The following GALNT6 variants were observed in gnomAD, a reference collection of about 807,000 sequenced individuals.
The protein encoded by GALNT6 is polypeptide N-acetylgalactosaminyltransferase 6.
In GALNT6, 51 loss-of-function variants were observed where a neutral mutation model predicts 65.9. The observed-to-expected ratio is 0.77, with a 90% CI of 0.62 to 0.98. GALNT6 has a LOEUF of 0.98. Among genes scored for constraint, GALNT6 ranks in the 50% least tolerant of loss-of-function variants. GALNT6 has a pLI of 0.00. For synonymous variants in GALNT6, 323 were observed against 315.1 expected (o/e 1.02, Z -0.26); for missense variants, 708 against 803.3 (o/e 0.88, Z 1.43).
chr12:51,356,140 T>C (rs1197000878), intron 10 of GALNT6, among the ~76,000 whole-genome samples, 182 bp from the exon 11 acceptor site: 1 of 151,684 alleles, frequency 6.6e-6, no homozygotes, highest in Admixed American at 6.6e-5. Flanking sequence ...TATGCTGGAA[T>C]TTTATATACA....
At chr12:51,371,258 AT>A (rs1472350488) in intron 4 of GALNT6, among the ~76,000 whole-genome samples, 3 of 151,804 alleles carry the variant, frequency 2.0e-5, no homozygotes, top group Middle Eastern at 3.4e-3. Context: ...TAATTTTTGT[AT>A]TTTTAGTAGA....
chr12:51,366,371 G>A (rs72644881), intron 4 of GALNT6, among the ~76,000 whole-genome samples: 8,091 of 152,246 alleles, frequency 0.053, 358 homozygotes, highest in East Asian at 0.17. Flanking sequence ...TCACGGTAAC[G>A]TCGATGGGTG....
At chr12:51,377,421 G>C in intron 3 of GALNT6, 54 bp from the exon 4 acceptor site, 2 of 1,527,060 alleles carry the variant, frequency 1.3e-6, no homozygotes, top group South Asian at 2.3e-5. Flanking sequence ...AGTACCAGGT[G>C]TGGGGAGGGC....
Position 51,390,162 on chromosome 12 carries a change from T to TTC in GALNT6, c.-104+687_-104+688insGA, listed in dbSNP as rs1948000478. ...TTTCTTTCTTTCTTTCTTTCTTTTT[T>TTC]TTTTTTTTTTTTTTTTTGAGACAGA... is the stretch of plus-strand genomic sequence containing the variant. On this transcript the variant is annotated intron_variant, in intron 2 of 11. Coordinates refer to ENST00000356317, the MANE Select transcript of GALNT6 (RefSeq NM_007210.4). Among the ~76,000 whole-genome samples, 3 of 113,436 alleles carry TTC rather than the reference T, an allele frequency of 2.6e-5. No homozygotes were observed. In the East Asian group the frequency reaches 6.1e-4, roughly 23 times the overall value. 74.4% of individuals were successfully genotyped at this position (113,436 alleles called of 152,430 possible).
At chr12:51,385,730 A>G (rs1483743482) in intron 2 of GALNT6, among the ~76,000 whole-genome samples, 5 of 149,730 alleles carry the variant, frequency 3.3e-5, no homozygotes, top group Non-Finnish European at 5.9e-5. Context: ...ATCACAGCCC[A>G]CCCTGTGTTT....
intron 2 of GALNT6, among the ~76,000 whole-genome samples, chr12:51,388,745 A>G (rs1947919394): frequency 6.6e-6 from 1 of 152,118 alleles, no homozygotes; most frequent in African/African-American, 2.4e-5. Flanking sequence ...TTCTGTCTCC[A>G]GAATGTTCTT....
intron 4 of GALNT6, among the ~76,000 whole-genome samples, chr12:51,373,449 T>C (rs1947353382): frequency 6.6e-6 from 1 of 152,132 alleles, no homozygotes; most frequent in Admixed American, 6.6e-5. Flanking sequence ...TCCTGACACC[T>C]CATGAGGAAG....
At chr12:51,382,025 C>T (rs1314097114) in intron 2 of GALNT6, among the ~76,000 whole-genome samples, 1 of 152,226 alleles carries the variant, frequency 6.6e-6, no homozygotes, top group African/African-American at 2.4e-5. Flanking sequence ...ATCGTGATCT[C>T]AAGTGGGGAG....
chr12:51,364,568 G>A (rs1947033624), intron 5 of GALNT6, among the ~76,000 whole-genome samples: 1 of 152,244 alleles, frequency 6.6e-6, no homozygotes, highest in African/African-American at 2.4e-5. Flanking sequence ...TTGGCAGGGA[G>A]AATGGAGGTC....
At chr12:51,355,996 C>T (rs1414538121) in intron 10 of GALNT6, 38 bp from the exon 11 acceptor site, 2 of 1,604,110 alleles carry the variant, frequency 1.2e-6, no homozygotes, top group East Asian at 2.2e-5. Flanking sequence ...GGAGAGTTCA[C>T]CCCCAGCCTT....
chr12:51,362,688 G>A (rs1946960796), intron 6 of GALNT6, among the ~76,000 whole-genome samples: 1 of 152,190 alleles, frequency 6.6e-6, no homozygotes, highest in Non-Finnish European at 1.5e-5. Context: ...AGGCAGCTAT[G>A]AAACAAACAT....
chr12:51,386,933 AG>A lies in GALNT6; in HGVS notation c.-104+3916del, dbSNP rs564722012. ...GACCCTTTTGATCACAGAATGTGGG[AG>A]GTTTTTATTTTTCCCCGTAATTACA... On this transcript the variant is annotated intron_variant, in intron 2 of 11. Transcript: ENST00000356317. Among the ~76,000 whole-genome samples, 587 of 152,166 alleles carry A rather than the reference AG, an allele frequency of 3.9e-3. 1 individual carries two copies. Among genetic ancestry groups the A allele is most frequent in the Non-Finnish European group, 5.7e-3 (390 of 67,984 alleles).
chr12:51,390,162 T>TCTTTCTTTTC (rs1565741219), intron 2 of GALNT6, among the ~76,000 whole-genome samples: 6 of 113,384 alleles, frequency 5.3e-5, no homozygotes, highest in African/African-American at 1.5e-4. Flanking sequence ...CTTTCTTTTT[T>TCTTTCTTTTC]TTTTTTTTTT....
At chr12:51,386,490 A>G (rs924881154) in intron 2 of GALNT6, among the ~76,000 whole-genome samples, 2 of 152,220 alleles carry the variant, frequency 1.3e-5, no homozygotes, top group African/African-American at 4.8e-5. Flanking sequence ...AGCCATCCAG[A>G]ACATGCCCTA....
Position 51,386,788 on chromosome 12 carries a change from G to A in GALNT6, c.-104+4062C>T, listed in dbSNP as rs867564110. ...TGAGAGGCTGTTTGGCCAAATGACC[G>A]TCCTTTCTTCCTCATAAGCACTTTC... On this transcript the variant is annotated intron_variant, in intron 2 of 11. Coordinates refer to ENST00000356317, the MANE Select transcript of GALNT6 (RefSeq NM_007210.4). Among the ~76,000 whole-genome samples the A allele has an allele frequency of 1.2e-4, 18 of 152,268 alleles. No individual in the cohort carries two copies. In the Middle Eastern group the frequency reaches 0.01, roughly 86 times the overall value.
At chr12:51,390,048 C>T (rs1947985733) in intron 2 of GALNT6, among the ~76,000 whole-genome samples, 1 of 152,090 alleles carries the variant, frequency 6.6e-6, no homozygotes, top group South Asian at 2.1e-4. Flanking sequence ...CTCTGGGTTC[C>T]TAAAGTGCAT....
chr12:51,355,827 G>T lies in GALNT6; in HGVS notation c.1734C>A (p.Asp578Glu). 1.2e-6 allele frequency: 2 copies of T among 1,613,518 alleles called. No homozygotes were observed. Among genetic ancestry groups the T allele is most frequent in the South Asian group, 2.2e-5 (2 of 91,026 alleles). The change falls in exon 11 of 12, where the codon GAC becomes GAA. Residue 578 changes from aspartate (D) to glutamate (E), a missense_variant. Physicochemically the swap from Asp to Glu is conservative, Grantham distance 45 (BLOSUM62 2). Coordinates refer to ENST00000356317, the MANE Select transcript of GALNT6 (RefSeq NM_007210.4). ...TCACCTGGGCCAATTCCCATTCCTC[G>T]TCCTTGGGGACCTGGCTATTCTTGC... ...FTGKNSQVPK[D>E]EEWELAQDQL...
rs35109462 is a variant in GALNT6 at position 51,376,633 on chromosome 12, C to CA, written c.664+561dup. Among the ~76,000 whole-genome samples the CA allele has an allele frequency of 7.2e-3, 605 of 83,860 alleles. 10 individuals are homozygous for CA. Among genetic ancestry groups the CA allele is most frequent in the African/African-American group, 0.023 (490 of 21,558 alleles). 55.0% of individuals were successfully genotyped at this position (83,860 alleles called of 152,430 possible). On this transcript the variant is annotated intron_variant, in intron 4 of 11. Transcript: ENST00000356317. ...GGGCAACAAGAGCGAAACTCCATCT[C>CA]AAAAAAAAAAAAAAAAAAAAGGCTT...
rs1412053666 is a variant in GALNT6 at position 51,352,443 on chromosome 12, CA to C, written c.*1935del. ...TGATAGGGTTGGGCTACGTGATTTT[CA>C]CGTTGTGCTTCCAGATTGTTAGAAG... On this transcript the variant is annotated 3_prime_UTR_variant, in exon 12 of 12. Coordinates refer to ENST00000356317, the MANE Select transcript of GALNT6 (RefSeq NM_007210.4). 1.3e-5 allele frequency: 2 copies of C among 152,196 alleles called. No individual in the cohort carries two copies. The highest frequency in any genetic ancestry group is 4.8e-5 in the African/African-American group (2 of 41,444). 9.4% of individuals were successfully genotyped at this position (152,196 alleles called of 1,614,324 possible).
Sources: allele counts gnomAD v4.1 joint callset (sites outside exome capture counted in the v4.1 genomes callset), GRCh38; gene constraint gnomAD v4.1.1; transcripts MANE v1.5; gene names NCBI Gene and HGNC (gene_info 2026-07-23, HGNC 2026-07-21).